The following PHACTR1 variants were observed in gnomAD, a reference collection of about 807,000 sequenced individuals.
PHACTR1 encodes RPEL repeat containing 1.
PHACTR1 carries 16 observed loss-of-function variants against 69.2 expected under a neutral mutation model. That is an observed-to-expected ratio of 0.23 (90% confidence interval 0.16 to 0.35). The LOEUF (loss-of-function observed/expected upper bound fraction) is 0.35. Among genes scored for constraint, PHACTR1 ranks in the 10% least tolerant of loss-of-function variants. The probability of loss-of-function intolerance (pLI) is 1.00; values close to 1 mark genes in which losing one functional copy is unlikely to be tolerated. For missense variants in PHACTR1, 510 were observed against 734.7 expected (o/e 0.69, Z 3.54); for synonymous variants, 312 against 284.5 (o/e 1.10, Z -0.97).
chr6:13,247,732 T>C (rs1773789744), intron 10 of PHACTR1, among the ~76,000 whole-genome samples: 1 of 152,116 alleles, frequency 6.6e-6, no homozygotes, highest in Non-Finnish European at 1.5e-5. Context: ...CATGCACCTA[T>C]AGCCCCAGCT....
intron 4 of PHACTR1, among the ~76,000 whole-genome samples, chr6:12,797,887 G>C (rs977369630): frequency 2.0e-5 from 3 of 152,074 alleles, no homozygotes; most frequent in South Asian, 2.1e-4. Context: ...CTTCATCAAA[G>C]AGGCCATTTC....
intron 12 of PHACTR1, among the ~76,000 whole-genome samples, chr6:13,279,018 G>C (rs1779570798): frequency 7.4e-6 from 1 of 135,986 alleles, no homozygotes; most frequent in African/African-American, 2.7e-5. Context: ...CTATGACCCT[G>C]GGAAAGTATA....
intron 4 of PHACTR1, among the ~76,000 whole-genome samples, chr6:12,846,195 G>A (rs938897262): frequency 6.6e-6 from 1 of 152,152 alleles, no homozygotes; most frequent in Non-Finnish European, 1.5e-5. Context: ...TGTGCCCAGT[G>A]GACTGCTTGG....
At chr6:13,131,943 C>A (rs1034670487) in intron 5 of PHACTR1, among the ~76,000 whole-genome samples, 2 of 152,124 alleles carry the variant, frequency 1.3e-5, no homozygotes, top group Non-Finnish European at 2.9e-5. Flanking sequence ...CAAAATCTGA[C>A]TTTCATATTT....
rs1335699233 is a variant in PHACTR1 at position 13,245,156 on chromosome 6, T to C, written c.1391+14963T>C. 2.0e-5 allele frequency among the ~76,000 whole-genome samples: 3 copies of C among 152,330 alleles called. No individual in the cohort carries two copies. Among genetic ancestry groups the C allele is most frequent in the Non-Finnish European group, 4.4e-5 (3 of 68,030 alleles). ...GCTGTGATGAACACACATGTGCATG[T>C]GTCTTTATGGTAGAATGATTTCTGT... On this transcript the variant is annotated intron_variant, in intron 10 of 14. Transcript: ENST00000332995. The surrounding 1 kb of genome is among the most constrained non-coding windows in gnomAD (Gnocchi z 4.1).
chr6:13,121,146 A>G (rs1818668196), intron 5 of PHACTR1, among the ~76,000 whole-genome samples: 1 of 152,158 alleles, frequency 6.6e-6, no homozygotes, highest in South Asian at 2.1e-4. Flanking sequence ...CTTGAGATGG[A>G]TGCGTTTTCC....
chr6:12,883,632 A>G (rs1219338902), intron 4 of PHACTR1, among the ~76,000 whole-genome samples: 2 of 151,900 alleles, frequency 1.3e-5, no homozygotes, highest in Non-Finnish European at 2.9e-5. Flanking sequence ...CTGAGTCCTG[A>G]GTCCTGAGTC....
intron 3 of PHACTR1, among the ~76,000 whole-genome samples, chr6:12,748,987 C>T (rs1479364075): frequency 1.3e-5 from 2 of 152,216 alleles, no homozygotes; most frequent in Admixed American, 1.3e-4. Context: ...AGATCTAGTT[C>T]TCTTTCTGTT....
chr6:12,852,308 C>A (rs1779913028), intron 4 of PHACTR1, among the ~76,000 whole-genome samples: 1 of 152,126 alleles, frequency 6.6e-6, no homozygotes, highest in Non-Finnish European at 1.5e-5. Flanking sequence ...TAAAAACAAA[C>A]ACATCTAACA....
At chr6:12,908,806 A>G (rs1786041041) in intron 4 of PHACTR1, among the ~76,000 whole-genome samples, 1 of 152,232 alleles carries the variant, frequency 6.6e-6, no homozygotes, top group Non-Finnish European at 1.5e-5. Flanking sequence ...GAGATGACCC[A>G]TGGCAGGCAG....
intron 7 of PHACTR1, among the ~76,000 whole-genome samples, chr6:13,186,304 A>G (rs1418125021): frequency 1.3e-5 from 2 of 152,176 alleles, no homozygotes; most frequent in African/African-American, 2.4e-5. Flanking sequence ...TTGTTTTGTC[A>G]CCTGCTTTTT....
intron 5 of PHACTR1, among the ~76,000 whole-genome samples, chr6:13,067,923 G>T (rs1808905436): frequency 1.3e-5 from 2 of 152,138 alleles, no homozygotes. Context: ...ATAGACTAGT[G>T]GTTAGGGGTC....
intron 4 of PHACTR1, among the ~76,000 whole-genome samples, chr6:12,796,680 G>A (rs1773039663): frequency 6.6e-6 from 1 of 152,220 alleles, no homozygotes. Flanking sequence ...AATGAAGGTA[G>A]CATCACACAG....
intron 4 of PHACTR1, among the ~76,000 whole-genome samples, chr6:13,042,007 T>C (rs1804257406): frequency 6.6e-6 from 1 of 152,068 alleles, no homozygotes; most frequent in Non-Finnish European, 1.5e-5. Context: ...CTTAATGGTG[T>C]CCCACAAAAA....
intron 5 of PHACTR1, among the ~76,000 whole-genome samples, chr6:13,069,995 G>C (rs181957507): frequency 6.6e-6 from 1 of 152,232 alleles, no homozygotes; most frequent in East Asian, 1.9e-4. Context: ...ATCTCTGTTG[G>C]CAAGTCCAAC....
At chr6:12,909,082 G>A (rs1308265748) in intron 4 of PHACTR1, among the ~76,000 whole-genome samples, 1 of 152,164 alleles carries the variant, frequency 6.6e-6, no homozygotes, top group Non-Finnish European at 1.5e-5. Flanking sequence ...TTGTCACAGA[G>A]GTGAAGTCTC....
chr6:13,193,036 A>G (rs976520393), intron 7 of PHACTR1, among the ~76,000 whole-genome samples: 1 of 152,182 alleles, frequency 6.6e-6, no homozygotes, highest in Non-Finnish European at 1.5e-5. Flanking sequence ...AAAGAGTAGC[A>G]GTTAGAACAT....
intron 8 of PHACTR1, among the ~76,000 whole-genome samples, chr6:13,225,237 G>C (rs192727076): frequency 6.6e-6 from 1 of 152,250 alleles, no homozygotes; most frequent in Admixed American, 6.5e-5. Context: ...CAATTCTTTT[G>C]GTGGATTCAC....
intron 5 of PHACTR1, among the ~76,000 whole-genome samples, chr6:13,066,773 G>T (rs1383997445): frequency 6.6e-6 from 1 of 152,086 alleles, no homozygotes; most frequent in African/African-American, 2.4e-5. Flanking sequence ...TGTTTATGTT[G>T]TCTCAGGGCT....
Sources: gnomAD v4.1 joint callset for allele counts (sites outside exome capture counted in the v4.1 genomes callset) on GRCh38, gnomAD v4.1.1 for gene constraint, Gnocchi (gnomAD v3.1) non-coding constraint, MANE v1.5 for transcripts, NCBI Gene and HGNC (gene_info 2026-07-23, HGNC 2026-07-21) for gene names.